SERPINE2: variants seen among roughly 807,000 people sequenced by gnomAD.
SERPINE2 encodes the protein glia-derived nexin.
Under a neutral mutation model 36.3 loss-of-function variants are expected in SERPINE2, and 14 were observed. That is an observed-to-expected ratio of 0.39 (90% CI 0.25 to 0.60). The LOEUF (loss-of-function observed/expected upper bound fraction) is 0.60, where lower values mean the gene tolerates loss of function less well. Among genes scored for constraint, SERPINE2 ranks in the 20% least tolerant of loss-of-function variants. The pLI is 0.57. For missense variants in SERPINE2, 418 were observed against 499.6 expected (o/e 0.84, Z 1.56); for synonymous variants, 192 against 191.8 (o/e 1.00, Z -0.01).
intron 7 of SERPINE2, chr2:223,979,109 G>A (rs995398536): frequency 1.3e-5 from 2 of 152,178 alleles, no homozygotes; most frequent in South Asian, 2.1e-4. Context: ...CTCAGTCAAC[G>A]GTATTTTGTC....
intron 1 of SERPINE2, among the ~76,000 whole-genome samples, chr2:224,018,764 C>T (rs1691886167): frequency 1.3e-5 from 2 of 152,126 alleles, no homozygotes; most frequent in African/African-American, 4.8e-5. Flanking sequence ...AGAACCTAAG[C>T]CAAAGTCTGG....
chr2:223,977,710 G>T, intron 7 of SERPINE2, 83 bp from the exon 8 acceptor site: 1 of 877,844 alleles, frequency 1.1e-6, no homozygotes, highest in South Asian at 1.3e-5. Flanking sequence ...TAGCTTCATG[G>T]ACCCTCAGAG....
At chr2:224,014,354 A>G (rs1691726308) in intron 1 of SERPINE2, among the ~76,000 whole-genome samples, 1 of 152,188 alleles carries the variant, frequency 6.6e-6, no homozygotes, top group Non-Finnish European at 1.5e-5. Context: ...CAGCCTGAGC[A>G]ACAATCAAGA....
chr2:224,003,879 C>A (rs1371109712), intron 1 of SERPINE2, among the ~76,000 whole-genome samples: 1 of 151,974 alleles, frequency 6.6e-6, no homozygotes, highest in Non-Finnish European at 1.5e-5. Flanking sequence ...CAGAAGGGGG[C>A]CTTTTAAGAG....
chr2:224,025,715 T>C (rs1478341766), intron 1 of SERPINE2, among the ~76,000 whole-genome samples: 2 of 152,206 alleles, frequency 1.3e-5, no homozygotes, highest in Non-Finnish European at 2.9e-5. Context: ...CCAAGTTGCC[T>C]ATCACACAGC....
intron 1 of SERPINE2, among the ~76,000 whole-genome samples, chr2:224,008,436 A>G (rs1691502802): frequency 6.6e-6 from 1 of 152,204 alleles, no homozygotes; most frequent in Non-Finnish European, 1.5e-5. Flanking sequence ...TTTCAAAATA[A>G]TTCAAAATAG....
At chr2:223,987,248 C>T (rs1348995309) in intron 4 of SERPINE2, among the ~76,000 whole-genome samples, 1 of 152,232 alleles carries the variant, frequency 6.6e-6, no homozygotes, top group Non-Finnish European at 1.5e-5. Context: ...AAACTGCCGT[C>T]TTTTGATGTA....
At chr2:224,033,772 A>G (rs1419316546) in intron 1 of SERPINE2, among the ~76,000 whole-genome samples, 2 of 152,184 alleles carry the variant, frequency 1.3e-5, no homozygotes, top group South Asian at 4.1e-4. Context: ...TGCAGAGTGC[A>G]GCCCAGCCAA....
chr2:224,021,003 G>A (rs1398849639), intron 1 of SERPINE2, among the ~76,000 whole-genome samples: 2 of 152,094 alleles, frequency 1.3e-5, no homozygotes, highest in East Asian at 1.9e-4. Flanking sequence ...GAAAACAAAC[G>A]CTCCTAGACA....
intron 1 of SERPINE2, among the ~76,000 whole-genome samples, chr2:224,037,601 T>G (rs1692576281): frequency 6.6e-6 from 1 of 152,166 alleles, no homozygotes; most frequent in Non-Finnish European, 1.5e-5. Context: ...GGAAAAGAAC[T>G]GGCTGGAAGA....
intron 3 of SERPINE2, among the ~76,000 whole-genome samples, chr2:223,993,307 C>T (rs867075327): frequency 1.3e-5 from 2 of 152,250 alleles, no homozygotes; most frequent in Non-Finnish European, 2.9e-5. Flanking sequence ...AAATGCTACC[C>T]GTGGCTGAAA....
At position 223,996,692 on chromosome 2, in the gene SERPINE2, C is replaced by T. The variant is rs73994130; in HGVS notation, c.487+1423G>A. ...TCTGATGCAGGGACACCAGTAACCA[C>T]ACTTTTAAGAAACATAGCCTGAAAG... On this transcript the variant is annotated intron_variant, in intron 3 of 8. Transcript: ENST00000409304. Among the ~76,000 whole-genome samples, 1,030 of 152,314 alleles carry T rather than the reference C, an allele frequency of 6.8e-3. 11 individuals carry two copies. Among genetic ancestry groups the T allele is most frequent in the African/African-American group, 0.023 (955 of 41,568 alleles).
chr2:224,037,304 G>C (rs889762435), intron 1 of SERPINE2, among the ~76,000 whole-genome samples: 4 of 152,166 alleles, frequency 2.6e-5, no homozygotes, highest in African/African-American at 7.2e-5. Context: ...TGCCAAACCC[G>C]CAAGAGGAAA....
chr2:224,029,973 A>G, intron 1 of SERPINE2: 1 of 820,398 alleles, frequency 1.2e-6, no homozygotes, highest in Non-Finnish European at 1.5e-6. Flanking sequence ...CTGGGATTAC[A>G]GGCGTGAGCC....
intron 2 of SERPINE2, among the ~76,000 whole-genome samples, chr2:224,000,355 G>T (rs914281766): frequency 2.6e-5 from 4 of 152,186 alleles, no homozygotes; most frequent in African/African-American, 9.7e-5. Context: ...ACATGGCTCT[G>T]GGCAAGACCC....
At chr2:224,001,374 C>T (rs540121264) in intron 2 of SERPINE2, among the ~76,000 whole-genome samples, 1 of 152,308 alleles carries the variant, frequency 6.6e-6, no homozygotes, top group African/African-American at 2.4e-5. Flanking sequence ...CTCGCTGGAA[C>T]GAGGGCTGGA....
At chr2:224,011,241 T>C (rs972400062) in intron 1 of SERPINE2, among the ~76,000 whole-genome samples, 1 of 152,216 alleles carries the variant, frequency 6.6e-6, no homozygotes, top group African/African-American at 2.4e-5. Context: ...CAAGACATTA[T>C]AGTGACATTG....
intron 1 of SERPINE2, among the ~76,000 whole-genome samples, chr2:224,011,653 T>C (rs893146855): frequency 2.6e-5 from 4 of 152,216 alleles, no homozygotes; most frequent in African/African-American, 9.7e-5. Context: ...TGTAAATTGA[T>C]TTTTTAAAAA....
intron 1 of SERPINE2, among the ~76,000 whole-genome samples, chr2:224,024,666 G>A (rs13008520): frequency 0.13 from 19,165 of 152,236 alleles, 1,323 homozygotes; most frequent in Middle Eastern, 0.17. Flanking sequence ...ACTTCAGAGA[G>A]CTGCTATGAG....
Sources: gnomAD v4.1 joint callset for allele counts (sites outside exome capture counted in the v4.1 genomes callset) on GRCh38, gnomAD v4.1.1 for gene constraint, MANE v1.5 for transcripts, NCBI Gene and HGNC (gene_info 2026-07-23, HGNC 2026-07-21) for gene names.